Variants in NRG1 observed in about 807,000 individuals in gnomAD.
NRG1 encodes the protein neuregulin 1, also known as pro-neuregulin-1, membrane-bound isoform.
NRG1 carries 18 observed loss-of-function variants against 63.8 expected under a neutral mutation model. The observed-to-expected ratio is 0.28, with a 90% confidence interval of 0.19 to 0.42. NRG1 has a LOEUF of 0.42. NRG1 is among the 10% of genes least tolerant of loss of function. The pLI, the probability that NRG1 is intolerant of heterozygous loss-of-function variation, is 1.00. For missense variants in NRG1, 762 were observed against 814.7 expected, an observed-to-expected ratio of 0.94 and a Z score of 0.79; for synonymous variants, 302 against 301.3, an observed-to-expected ratio of 1.00 and a Z score of -0.02.
chr8:32,067,943 G>T (rs565494837), intron 1 of NRG1, among the ~76,000 whole-genome samples: 1 of 152,168 alleles, frequency 6.6e-6, no homozygotes, highest in Non-Finnish European at 1.5e-5. Flanking sequence ...AACTTTGGCT[G>T]TTAGCATCCT....
At chr8:32,536,953 T>C (rs1215027531) in intron 1 of NRG1, among the ~76,000 whole-genome samples, 1 of 106,924 alleles carries the variant, frequency 9.4e-6, no homozygotes, top group East Asian at 4.2e-4. Context: ...AAAAAAATTC[T>C]GTTTGTCGGC....
chr8:31,706,650 G>A (rs976573569), intron 1 of NRG1, among the ~76,000 whole-genome samples: 2 of 152,110 alleles, frequency 1.3e-5, no homozygotes, highest in Non-Finnish European at 2.9e-5. Flanking sequence ...TGCTTAGTTC[G>A]GCTCTTACCA....
At chr8:32,099,027 G>T (rs1830229447) in intron 1 of NRG1, among the ~76,000 whole-genome samples, 1 of 152,202 alleles carries the variant, frequency 6.6e-6, no homozygotes, top group African/African-American at 2.4e-5. Context: ...AATTTACCCA[G>T]ACAGTTGTGA....
intron 1 of NRG1, among the ~76,000 whole-genome samples, chr8:31,907,345 C>CTT (rs11314573): frequency 2.8e-4 from 39 of 137,096 alleles, no homozygotes; most frequent in East Asian, 2.8e-3. Flanking sequence ...GCAGATGATC[C>CTT]TTTTTTTTTT....
chr8:31,775,650 A>G lies in NRG1; in HGVS notation c.37+136219A>G, dbSNP rs193032134. The stretch of plus-strand genomic sequence containing the variant: ...CGCCTGTAATCCCAGCACGGAGGCC[A>G]AGGCAGGCGGATCATGATGTCAGGA... On this transcript the variant is annotated intron_variant, in intron 1 of 10. Transcript: ENST00000519301. 3.8e-3 allele frequency among the ~76,000 whole-genome samples: 584 copies of G among 152,086 alleles called. 1 individual carries two copies. Among genetic ancestry groups the G allele is most frequent in the Middle Eastern group, 0.02 (6 of 294 alleles).
intron 1 of NRG1, among the ~76,000 whole-genome samples, chr8:31,790,161 G>A (rs1331945605): frequency 6.6e-6 from 1 of 152,166 alleles, no homozygotes; most frequent in African/African-American, 2.4e-5. Context: ...TGGGAAACTT[G>A]CAAATGCAAA....
chr8:31,924,450 AAT>A (rs2129619339), intron 1 of NRG1, among the ~76,000 whole-genome samples: 1 of 152,188 alleles, frequency 6.6e-6, no homozygotes, highest in South Asian at 2.1e-4. Flanking sequence ...GATCTCTATC[AAT>A]ATCCCTTTTG....
At chr8:31,857,198 G>GC (rs1827984274) in intron 1 of NRG1, among the ~76,000 whole-genome samples, 1 of 152,186 alleles carries the variant, frequency 6.6e-6, no homozygotes, top group Non-Finnish European at 1.5e-5. Flanking sequence ...AATGGCGGGC[G>GC]CCCCTCCCCC....
rs1247995238 is a variant in NRG1 at position 32,383,056 on chromosome 8, T to C, written c.38-212772T>C. Among the ~76,000 whole-genome samples the C allele has an allele frequency of 2.1e-5, 3 of 144,156 alleles. No individual in the cohort carries two copies. In the East Asian group the frequency reaches 6.0e-4, roughly 29 times the overall value. The allele number at this position is 144,156 out of a possible 152,430, so 94.6% of individuals were successfully genotyped here. The stretch of plus-strand genomic sequence containing the variant: ...GGGCAATGTAGCAAGATTTCGTCCC[T>C]ACTAAAAAAAAAAAAAAAAATTAGA... On this transcript the variant is annotated intron_variant, in intron 1 of 10. Transcript: ENST00000519301.
intron 1 of NRG1, among the ~76,000 whole-genome samples, chr8:32,199,178 AC>A (rs1843250267): frequency 1.3e-5 from 2 of 151,964 alleles, no homozygotes; most frequent in Non-Finnish European, 2.9e-5. Context: ...CATGGAGTTA[AC>A]CTAGTTTCAT....
intron 1 of NRG1, among the ~76,000 whole-genome samples, chr8:32,055,274 A>G (rs768648170): frequency 5.9e-5 from 9 of 152,106 alleles, no homozygotes; most frequent in Non-Finnish European, 1.2e-4. Flanking sequence ...TGTGTGTAAC[A>G]TTTGAGCTCT....
At chr8:32,436,266 A>G (rs1211691809) in intron 1 of NRG1, among the ~76,000 whole-genome samples, 1 of 152,154 alleles carries the variant, frequency 6.6e-6, no homozygotes, top group African/African-American at 2.4e-5. Flanking sequence ...GTATTGTGTG[A>G]GGGAAACCAC....
At chr8:32,068,219 G>GA (rs1225407521) in intron 1 of NRG1, among the ~76,000 whole-genome samples, 1 of 152,138 alleles carries the variant, frequency 6.6e-6, no homozygotes, top group Non-Finnish European at 1.5e-5. Context: ...AAATATGAAA[G>GA]AAAGACTTTG....
chr8:31,997,428 T>C (rs1812194651), intron 1 of NRG1, among the ~76,000 whole-genome samples: 1 of 152,070 alleles, frequency 6.6e-6, no homozygotes, highest in Admixed American at 6.6e-5. Context: ...TGTTCCTTGC[T>C]GTGCTTTTGA....
At chr8:32,588,894 C>A (rs1489281705) in intron 1 of NRG1, among the ~76,000 whole-genome samples, 1 of 152,170 alleles carries the variant, frequency 6.6e-6, no homozygotes, top group African/African-American at 2.4e-5. Context: ...CAGCTCCATT[C>A]CAGCTCACAG....
intron 1 of NRG1, among the ~76,000 whole-genome samples, chr8:31,964,389 G>C (rs899010739): frequency 6.6e-6 from 1 of 152,228 alleles, no homozygotes; most frequent in Non-Finnish European, 1.5e-5. Flanking sequence ...AGAGCAAAAT[G>C]CTGGGTGCAC....
intron 1 of NRG1, among the ~76,000 whole-genome samples, chr8:32,580,645 G>A (rs1245640268): frequency 1.3e-5 from 2 of 152,084 alleles, no homozygotes; most frequent in African/African-American, 4.8e-5. Context: ...TAGCATATGG[G>A]AGACTAAGAC....
chr8:31,768,367 A>T (rs1818283948), intron 1 of NRG1, among the ~76,000 whole-genome samples: 1 of 152,194 alleles, frequency 6.6e-6, no homozygotes, highest in Non-Finnish European at 1.5e-5. Flanking sequence ...AATCTTGTTT[A>T]CCAAGCTCTT....
At chr8:31,966,375 T>G (rs1354415625) in intron 1 of NRG1, among the ~76,000 whole-genome samples, 2 of 152,220 alleles carry the variant, frequency 1.3e-5, no homozygotes, top group Non-Finnish European at 2.9e-5. Context: ...TAGGGACATA[T>G]TTATGATTAT....
Sources: gnomAD v4.1 joint callset for allele counts (sites outside exome capture counted in the v4.1 genomes callset) on GRCh38, gnomAD v4.1.1 for gene constraint, MANE v1.5 for transcripts, NCBI Gene and HGNC (gene_info 2026-07-23, HGNC 2026-07-21) for gene names.